The following RGS7 variants were observed in gnomAD, a reference collection of about 807,000 sequenced individuals.
RGS7 encodes the protein regulator of G protein signaling 7.
Under a neutral mutation model 81.1 loss-of-function variants are expected in RGS7, and 27 were observed. The ratio of observed to expected loss-of-function variants is 0.33; its 90% confidence interval spans 0.25 to 0.46. RGS7 has a LOEUF of 0.46. Among genes scored for constraint, RGS7 ranks in the 20% least tolerant of loss-of-function variants. The pLI is 1.00. For missense variants in RGS7, 396 were observed against 607.4 expected (o/e 0.65, Z 3.66); for synonymous variants, 208 against 207.7 (o/e 1.00, Z -0.01).
intron 2 of RGS7, among the ~76,000 whole-genome samples, chr1:241,242,249 T>C (rs527361802): frequency 6.6e-6 from 1 of 152,210 alleles, no homozygotes; most frequent in Non-Finnish European, 1.5e-5. Context: ...TGGTCTCCAA[T>C]ACCATCCAGG....
At chr1:241,269,208 C>T (rs1018785370) in intron 2 of RGS7, among the ~76,000 whole-genome samples, 1 of 152,206 alleles carries the variant, frequency 6.6e-6, no homozygotes, top group Non-Finnish European at 1.5e-5. Context: ...TTAAAAAAAT[C>T]TCTTTTGTAA....
intron 2 of RGS7, among the ~76,000 whole-genome samples, chr1:241,242,818 T>C (rs2076328774): frequency 1.3e-5 from 2 of 152,204 alleles, no homozygotes; most frequent in African/African-American, 4.8e-5. Context: ...AGTTCACTTT[T>C]TGATGAGATT....
chr1:241,194,815 T>C (rs895745846), intron 2 of RGS7, among the ~76,000 whole-genome samples: 2 of 152,182 alleles, frequency 1.3e-5, no homozygotes, highest in African/African-American at 4.8e-5. Flanking sequence ...AAGCAGTTAC[T>C]AAAGGCTTGG....
intron 3 of RGS7, among the ~76,000 whole-genome samples, chr1:241,075,075 A>G (rs1053365406): frequency 1.3e-5 from 2 of 152,318 alleles, no homozygotes; most frequent in African/African-American, 2.4e-5. Flanking sequence ...TAGCCTCTAC[A>G]GAAAGAGTAG....
At chr1:240,994,259 T>A (rs1686945068) in intron 3 of RGS7, among the ~76,000 whole-genome samples, 1 of 152,206 alleles carries the variant, frequency 6.6e-6, no homozygotes, top group Non-Finnish European at 1.5e-5. Flanking sequence ...AACTTGTGTA[T>A]CAATTTGGGG....
intron 2 of RGS7, among the ~76,000 whole-genome samples, chr1:241,184,486 G>A (rs1376182368): frequency 1.3e-5 from 2 of 152,058 alleles, no homozygotes; most frequent in Non-Finnish European, 2.9e-5. Context: ...TTCCCAAATC[G>A]GAAATGCTCC....
chr1:240,957,954 C>A (rs995465666), intron 4 of RGS7, among the ~76,000 whole-genome samples: 10 of 152,178 alleles, frequency 6.6e-5, no homozygotes, highest in Admixed American at 6.5e-4. Flanking sequence ...ATTTTACAGA[C>A]CCAGTGACCC....
chr1:241,093,718 C>A (rs906584193), intron 3 of RGS7, among the ~76,000 whole-genome samples: 1 of 152,138 alleles, frequency 6.6e-6, no homozygotes, highest in African/African-American at 2.4e-5. Flanking sequence ...CTGTGGTTTG[C>A]ATTTGAAATC....
intron 4 of RGS7, among the ~76,000 whole-genome samples, chr1:240,977,971 A>G (rs903464821): frequency 6.6e-6 from 1 of 152,360 alleles, no homozygotes; most frequent in South Asian, 2.1e-4. Flanking sequence ...AAGTAAGTCC[A>G]TCACACTCAG....
At chr1:241,119,904 T>C (rs1157782889) in intron 2 of RGS7, among the ~76,000 whole-genome samples, 1 of 150,004 alleles carries the variant, frequency 6.7e-6, no homozygotes, top group African/African-American at 2.5e-5. Context: ...TTCTTTCAAG[T>C]AACAATGACT....
chr1:240,827,748 C>T (rs1001342663), intron 9 of RGS7, among the ~76,000 whole-genome samples: 2 of 151,114 alleles, frequency 1.3e-5, no homozygotes, highest in African/African-American at 4.9e-5. Flanking sequence ...CCTGTAATCC[C>T]AGATACTTAG....
At chr1:240,911,231 C>G (rs532101582) in intron 6 of RGS7, among the ~76,000 whole-genome samples, 1 of 152,194 alleles carries the variant, frequency 6.6e-6, no homozygotes, top group East Asian at 1.9e-4. Flanking sequence ...CTTTCTCTGT[C>G]TTTTTCCCCT....
chr1:241,320,626 T>G (rs1328050380), intron 2 of RGS7, among the ~76,000 whole-genome samples: 2 of 152,218 alleles, frequency 1.3e-5, no homozygotes, highest in African/African-American at 4.8e-5. Flanking sequence ...TTAAATAGTA[T>G]CATTCAATAA....
chr1:241,350,879 G>GT (rs1452118537), intron 2 of RGS7, among the ~76,000 whole-genome samples: 1 of 151,992 alleles, frequency 6.6e-6, no homozygotes, highest in African/African-American at 2.4e-5. Context: ...TGTAGAATAT[G>GT]TCAGCTAGCT....
chr1:241,131,335 CA>C (rs2067083246), intron 2 of RGS7, among the ~76,000 whole-genome samples: 1 of 152,140 alleles, frequency 6.6e-6, no homozygotes, highest in Non-Finnish European at 1.5e-5. Context: ...CTTTCTAGAA[CA>C]ATAGTTTTCC....
intron 4 of RGS7, among the ~76,000 whole-genome samples, chr1:240,968,344 A>G (rs1682665212): frequency 6.6e-6 from 1 of 152,198 alleles, no homozygotes; most frequent in South Asian, 2.1e-4. Context: ...GTTTAAATCA[A>G]AACAGCAGTT....
intron 2 of RGS7, among the ~76,000 whole-genome samples, chr1:241,306,770 T>C (rs2080193543): frequency 1.3e-5 from 2 of 151,418 alleles, no homozygotes; most frequent in Admixed American, 1.3e-4. Flanking sequence ...CGCACACACC[T>C]TTACACACAC....
At chr1:241,054,939 C>T (rs2061409134) in intron 3 of RGS7, among the ~76,000 whole-genome samples, 1 of 152,068 alleles carries the variant, frequency 6.6e-6, no homozygotes, top group South Asian at 2.1e-4. Flanking sequence ...GGAATAAAAT[C>T]CAAACTTTCT....
chr1:240,956,481 T>G (rs1346086373), intron 4 of RGS7, among the ~76,000 whole-genome samples: 1 of 152,072 alleles, frequency 6.6e-6, no homozygotes, highest in Admixed American at 6.6e-5. Flanking sequence ...TCCAAATAAT[T>G]TACGTAGATA....
Sources: gnomAD v4.1 joint callset for allele counts (sites outside exome capture counted in the v4.1 genomes callset) on GRCh38, gnomAD v4.1.1 for gene constraint, MANE v1.5 for transcripts, NCBI Gene and HGNC (gene_info 2026-07-23, HGNC 2026-07-21) for gene names.